POU2AF2: variants seen among roughly 807,000 people sequenced by gnomAD.
POU2AF2 encodes the protein POU class 2 homeobox associating factor 2, also known as POU domain class 2-associating factor 2.
the POU2AF2 span, among the ~76,000 whole-genome samples, chr11:111,261,489 A>G: frequency 3.3e-5 from 5 of 152,272 alleles, no homozygotes; most frequent in East Asian, 1.9e-4. Flanking sequence ...TTTTCAGACC[A>G]TTGTTCCTTT....
chr11:111,255,001 T>C, the POU2AF2 span, among the ~76,000 whole-genome samples: 1 of 152,202 alleles, frequency 6.6e-6, no homozygotes, highest in African/African-American at 2.4e-5. Context: ...TATAAATGCT[T>C]TCTAGAATAG....
chr11:111,283,239 T>C, the POU2AF2 span, among the ~76,000 whole-genome samples: 3 of 152,070 alleles, frequency 2.0e-5, no homozygotes, highest in Non-Finnish European at 4.4e-5. Context: ...TTAGTAGAGA[T>C]GGGTTTTCAC....
the POU2AF2 span, among the ~76,000 whole-genome samples, chr11:111,277,780 C>A: frequency 6.6e-6 from 1 of 152,294 alleles, no homozygotes; most frequent in Middle Eastern, 3.4e-3. Context: ...CAGCTACCAC[C>A]CCCTGGCACA....
chr11:111,284,297 G>T, the POU2AF2 span: 1 of 1,613,494 alleles, frequency 6.2e-7, no homozygotes, highest in African/African-American at 1.3e-5. Flanking sequence ...GACGCCCAAC[G>T]CGGGCTCTCT....
the POU2AF2 span, chr11:111,284,223 A>G: frequency 6.2e-7 from 1 of 1,614,066 alleles, no homozygotes; most frequent in Non-Finnish European, 8.5e-7. Context: ...GGGCAGAGCC[A>G]TGCGGCTCTC....
At chr11:111,248,093 A>G in the POU2AF2 span, among the ~76,000 whole-genome samples, 4 of 151,876 alleles carry the variant, frequency 2.6e-5, no homozygotes, top group Admixed American at 1.3e-4. Context: ...TCACCGTGTT[A>G]GCCAGGATGG....
chr11:111,279,152 C>T, the POU2AF2 span, among the ~76,000 whole-genome samples: 4 of 152,294 alleles, frequency 2.6e-5, no homozygotes, highest in South Asian at 4.1e-4. Flanking sequence ...AGACTCTACA[C>T]GCCTAGATAC....
chr11:111,262,403 C>T, the POU2AF2 span, among the ~76,000 whole-genome samples: 2 of 152,140 alleles, frequency 1.3e-5, no homozygotes, highest in East Asian at 1.9e-4. Context: ...GCTAGTTGGA[C>T]GTTTGTTTAG....
chr11:111,250,815 G>A, the POU2AF2 span, among the ~76,000 whole-genome samples: 1 of 152,184 alleles, frequency 6.6e-6, no homozygotes, highest in Non-Finnish European at 1.5e-5. Context: ...ATGGGGAAAA[G>A]AGTACTCCAG....
the POU2AF2 span, among the ~76,000 whole-genome samples, chr11:111,282,015 C>G: frequency 6.6e-6 from 1 of 152,022 alleles, no homozygotes; most frequent in Non-Finnish European, 1.5e-5. Flanking sequence ...TAAGAGCAAT[C>G]GAGGATCCCG....
At chr11:111,247,343 C>T in the POU2AF2 span, among the ~76,000 whole-genome samples, 4 of 152,108 alleles carry the variant, frequency 2.6e-5, no homozygotes, top group Non-Finnish European at 4.4e-5. Context: ...TTAATTACAG[C>T]TTCTTTGGGT....
chr11:111,275,825 T>C, the POU2AF2 span, among the ~76,000 whole-genome samples: 16 of 152,106 alleles, frequency 1.1e-4, no homozygotes, highest in Admixed American at 1.0e-3. Context: ...ATGGAATTTA[T>C]AGAAATAAAA....
At chr11:111,272,592 A>C in the POU2AF2 span, among the ~76,000 whole-genome samples, 1 of 152,318 alleles carries the variant, frequency 6.6e-6, no homozygotes, top group African/African-American at 2.4e-5. Flanking sequence ...GGGAAGTGGC[A>C]CCAGGAAATG....
chr11:111,262,858 A>G, the POU2AF2 span, among the ~76,000 whole-genome samples: 2 of 152,206 alleles, frequency 1.3e-5, no homozygotes, highest in Non-Finnish European at 2.9e-5. Flanking sequence ...TATATAGTAA[A>G]ATTTCCACTA....
chr11:111,255,821 C>A, the POU2AF2 span, among the ~76,000 whole-genome samples: 1 of 152,168 alleles, frequency 6.6e-6, no homozygotes, highest in Non-Finnish European at 1.5e-5. Context: ...TCAGGAGACA[C>A]GGCTCTATTG....
chr11:111,253,299 C>G, the POU2AF2 span, among the ~76,000 whole-genome samples: 12 of 152,176 alleles, frequency 7.9e-5, no homozygotes, highest in Non-Finnish European at 5.9e-5. Flanking sequence ...TTGGAAGTAG[C>G]CTGACCTGTT....
the POU2AF2 span, among the ~76,000 whole-genome samples, chr11:111,269,348 A>G: frequency 6.6e-6 from 1 of 152,154 alleles, no homozygotes; most frequent in Non-Finnish European, 1.5e-5. Context: ...TCTGACTTTA[A>G]TTAGCCCACT....
the POU2AF2 span, among the ~76,000 whole-genome samples, chr11:111,260,697 T>G: frequency 6.6e-6 from 1 of 152,220 alleles, no homozygotes; most frequent in Non-Finnish European, 1.5e-5. Context: ...CACACAGCCC[T>G]GCCAACACCT....
chr11:111,284,469 A>G, the POU2AF2 span: 1 of 1,419,052 alleles, frequency 7.0e-7, no homozygotes, highest in Non-Finnish European at 9.3e-7. Flanking sequence ...GGTTGAAGCC[A>G]GGTCTGGCTC....
Sources: allele counts gnomAD v4.1 joint callset (sites outside exome capture counted in the v4.1 genomes callset), GRCh38; gene constraint gnomAD v4.1.1; transcripts MANE v1.5; gene names NCBI Gene and HGNC (gene_info 2026-07-23, HGNC 2026-07-21).